The following CADM2 variants were observed in gnomAD, a reference collection of about 807,000 sequenced individuals.
CADM2 encodes immunoglobulin superfamily member 4D.
In CADM2, 12 loss-of-function variants were observed where a neutral mutation model predicts 49.8. The observed-to-expected ratio is 0.24, with a 90% CI of 0.15 to 0.39. CADM2 has a LOEUF of 0.39. Ranked by LOEUF, CADM2 falls within the 10% of genes least tolerant of loss-of-function variation. The probability of loss-of-function intolerance (pLI) is 1.00; values close to 1 mark genes in which losing one functional copy is unlikely to be tolerated. For missense variants in CADM2, 378 were observed against 492.3 expected (o/e 0.77, Z 2.20); for synonymous variants, 214 against 175.4 (o/e 1.22, Z -1.74).
chr3:85,706,623 A>C (rs531024175), intron 1 of CADM2, among the ~76,000 whole-genome samples: 1 of 152,330 alleles, frequency 6.6e-6, no homozygotes, highest in African/African-American at 2.4e-5. Flanking sequence ...TTACATGTGA[A>C]TGCATCTGCC....
At chr3:85,234,854 T>C (rs909486457) in intron 1 of CADM2, among the ~76,000 whole-genome samples, 1 of 152,144 alleles carries the variant, frequency 6.6e-6, no homozygotes, top group Non-Finnish European at 1.5e-5. Flanking sequence ...AGTGAGGTCT[T>C]CTGTATAAAC....
chr3:85,785,025 T>C (rs1311279647), intron 2 of CADM2, among the ~76,000 whole-genome samples: 1 of 152,164 alleles, frequency 6.6e-6, no homozygotes, highest in Non-Finnish European at 1.5e-5. Flanking sequence ...GTTGTAGGTG[T>C]CTAGGAATCT....
At chr3:85,558,172 T>G (rs1353388897) in intron 1 of CADM2, among the ~76,000 whole-genome samples, 2 of 151,908 alleles carry the variant, frequency 1.3e-5, no homozygotes, top group Middle Eastern at 3.2e-3. Flanking sequence ...ATCCACAGAC[T>G]TATACATAGA....
intron 1 of CADM2, among the ~76,000 whole-genome samples, chr3:85,532,219 G>A (rs924554822): frequency 1.3e-5 from 2 of 151,954 alleles, no homozygotes; most frequent in African/African-American, 4.8e-5. Flanking sequence ...AGTGTTGCAG[G>A]AAATGTTTTG....
chr3:85,726,547 A>T lies in CADM2; in HGVS notation c.87A>T (p.Lys29Asn), dbSNP rs765007192. Reference sequence around the variant, plus strand: ...CGGCTGCTTCAAAGAATAAAGTTAAAGGTGAGCTCCTGTTTATTCTGCATG... The same window carrying T: ...CGGCTGCTTCAAAGAATAAAGTTAATGGTGAGCTCCTGTTTATTCTGCATG... ...LQAAASKNKV[K>N]GSQGQFPLTQ... The change falls in exon 2 of 10, where the codon AAA (lysine) becomes AAT (asparagine). Residue 29 changes from lysine to asparagine, a missense_variant and splice_region_variant. Coordinates refer to ENST00000383699, the MANE Select transcript of CADM2 (RefSeq NM_001167675.2). 6.2e-7 allele frequency: 1 copy of T among 1,611,326 alleles called. No homozygotes were observed.
chr3:85,600,681 G>A (rs2063365980), intron 1 of CADM2, among the ~76,000 whole-genome samples: 1 of 151,426 alleles, frequency 6.6e-6, no homozygotes. Flanking sequence ...TTAACTTTCA[G>A]AATACAACAC....
intron 3 of CADM2, among the ~76,000 whole-genome samples, chr3:85,854,637 G>A (rs763303685): frequency 6.6e-6 from 1 of 152,038 alleles, no homozygotes; most frequent in African/African-American, 2.4e-5. Flanking sequence ...CAGGGGTTGG[G>A]GGTCAAGGGG....
chr3:85,445,121 G>A (rs1169375597), intron 1 of CADM2, among the ~76,000 whole-genome samples: 1 of 151,972 alleles, frequency 6.6e-6, no homozygotes, highest in Non-Finnish European at 1.5e-5. Context: ...TGATATCTTC[G>A]TTTTGTTGAC....
At chr3:85,064,426 C>CTTGATAGAA (rs1439949349) in intron 1 of CADM2, among the ~76,000 whole-genome samples, 1 of 151,854 alleles carries the variant, frequency 6.6e-6, no homozygotes, top group Non-Finnish European at 1.5e-5. Flanking sequence ...TATTATTTTT[C>CTTGATAGAA]TTGATAGAAT....
At chr3:85,076,304 T>TGTGTGC (rs1491232791) in intron 1 of CADM2, among the ~76,000 whole-genome samples, 1 of 10,302 alleles carries the variant, frequency 9.7e-5, no homozygotes, top group African/African-American at 4.5e-4. Context: ...AAAAAGAAAT[T>TGTGTGC]GTGTGTGTGT....
intron 1 of CADM2, among the ~76,000 whole-genome samples, chr3:85,413,334 A>C (rs2107475790): frequency 6.6e-6 from 1 of 152,100 alleles, no homozygotes; most frequent in South Asian, 2.1e-4. Context: ...AATGAAGAAA[A>C]GTACACCTGA....
intron 1 of CADM2, among the ~76,000 whole-genome samples, chr3:85,685,791 A>AT (rs1232296037): frequency 6.7e-6 from 1 of 148,642 alleles, no homozygotes; most frequent in Non-Finnish European, 1.5e-5. Flanking sequence ...CGCCTGGCTA[A>AT]TTTTTGTATT....
intron 1 of CADM2, among the ~76,000 whole-genome samples, chr3:85,125,319 C>A (rs1203367717): frequency 6.6e-6 from 1 of 151,258 alleles, no homozygotes; most frequent in Non-Finnish European, 1.5e-5. Context: ...TGAACCATAG[C>A]AGATATGACA....
At chr3:85,572,421 G>A (rs1380750169) in intron 1 of CADM2, among the ~76,000 whole-genome samples, 1 of 152,120 alleles carries the variant, frequency 6.6e-6, no homozygotes, top group Non-Finnish European at 1.5e-5. Context: ...TACCTATAGG[G>A]TTCTCCAGAA....
chr3:85,191,670 T>C (rs2041211612), intron 1 of CADM2, among the ~76,000 whole-genome samples: 1 of 152,088 alleles, frequency 6.6e-6, no homozygotes, highest in African/African-American at 2.4e-5. Context: ...TACATCCAAA[T>C]AGTTGTCAAA....
rs62250649 is a variant in CADM2, at chr3:85,155,011, C to T, written c.61+195343C>T. On this transcript the variant is annotated intron_variant, in intron 1 of 9. Coordinates refer to ENST00000383699, the MANE Select transcript of CADM2 (RefSeq NM_001167675.2). ...TGCCAGAATGTAAAGACCATCGAGA[C>T]TAGGAAGAAACTGCATCAACTAACG... is the stretch of plus-strand genomic sequence containing the variant. Among the ~76,000 whole-genome samples the T allele has an allele frequency of 2.0e-5, 3 of 151,484 alleles. No individual in the cohort carries two copies. In the South Asian group the frequency reaches 6.3e-4, roughly 32 times the overall value.
intron 1 of CADM2, among the ~76,000 whole-genome samples, chr3:85,112,020 C>A (rs550493766): frequency 6.6e-6 from 1 of 151,976 alleles, no homozygotes; most frequent in Non-Finnish European, 1.5e-5. Flanking sequence ...TTTCTAAGTA[C>A]AACGTCTTCT....
rs777981557 is a variant in CADM2 at position 85,352,035 on chromosome 3, G to C, written c.62-374487G>C. Among the ~76,000 whole-genome samples the C allele has an allele frequency of 1.5e-4, 23 of 152,156 alleles. No homozygotes were observed. The Middle Eastern group carries it at 0.01, about 68-fold the overall frequency. On this transcript the variant is annotated intron_variant, in intron 1 of 9. Transcript: ENST00000383699. ...TAAGTCATATATTGCTGTTGACTTT[G>C]AGTATTTCCTTAAATACTTTTACAC...
chr3:85,190,053 C>G (rs569286061), intron 1 of CADM2, among the ~76,000 whole-genome samples: 31 of 146,162 alleles, frequency 2.1e-4, no homozygotes, highest in Non-Finnish European at 4.2e-4. Context: ...TGAGGGAGAG[C>G]AAGACAAAAT....
Sources: gnomAD v4.1 joint callset for allele counts (sites outside exome capture counted in the v4.1 genomes callset) on GRCh38, gnomAD v4.1.1 for gene constraint, MANE v1.5 for transcripts, NCBI Gene and HGNC (gene_info 2026-07-23, HGNC 2026-07-21) for gene names.